CHD7: variants seen among roughly 807,000 people sequenced by gnomAD.
The protein encoded by CHD7 is ATP-dependent chromatin remodeler CHD7.
CHD7 carries 24 observed loss-of-function variants against 307.3 expected under a neutral mutation model. The observed-to-expected ratio is 0.08, with a 90% CI of 0.06 to 0.11. CHD7 has a LOEUF of 0.11. Ranked by LOEUF, CHD7 falls within the 10% of genes least tolerant of loss-of-function variation. The pLI is 1.00. For synonymous variants in CHD7, 1,363 were observed against 1,349.9 expected, an observed-to-expected ratio of 1.01 and a Z score of -0.21; for missense variants, 3,106 against 3,727.1, an observed-to-expected ratio of 0.83 and a Z score of 4.34.
At chr8:60,830,615 A>G in intron 15 of CHD7, 38 bp downstream of exon 15, 1 of 1,600,712 alleles carries the variant, frequency 6.2e-7, no homozygotes, top group Non-Finnish European at 8.5e-7. Context: ...TTAAGTGACG[A>G]TTGAAGCACC....
chr8:60,752,750 T>A (rs933165034), intron 2 of CHD7, among the ~76,000 whole-genome samples: 14 of 152,202 alleles, frequency 9.2e-5, no homozygotes. Context: ...AATTGTGGGA[T>A]TTTTGCAATT....
In CHD7 at chr8:60,855,976, A is replaced by G. The variant is rs1805682626; in HGVS notation, c.6938A>G (p.Asp2313Gly). The G allele has an allele frequency of 6.3e-7, 1 of 1,599,924 alleles. No homozygotes were observed. Among genetic ancestry groups the G allele is most frequent in the Non-Finnish European group, 8.5e-7 (1 of 1,171,706 alleles). The change falls in exon 33 of 38, where the codon GAT becomes GGT. Residue 2313 changes from aspartate to glycine, a missense_variant and splice_region_variant. Transcript: ENST00000423902. ...TTGTGACTTTTCTTCTCCCTCCAGGATAGAGTAATGATAAACCGCTTAGAC... is the reference window on the plus strand; with the variant it reads ...TTGTGACTTTTCTTCTCCCTCCAGGGTAGAGTAATGATAAACCGCTTAGAC... ...RTFAFSFWPKDRVMINRLDNI... is the reference protein window; with the variant it reads ...RTFAFSFWPKGRVMINRLDNI...
intron 1 of CHD7, among the ~76,000 whole-genome samples, chr8:60,690,202 A>AC (rs1806126537): frequency 6.6e-6 from 1 of 152,212 alleles, no homozygotes; most frequent in African/African-American, 2.4e-5. Context: ...GGATTAAAAA[A>AC]AAAAAAATCC....
At chr8:60,859,010 A>G (rs1250966878) in intron 34 of CHD7, among the ~76,000 whole-genome samples, 1 of 152,170 alleles carries the variant, frequency 6.6e-6, no homozygotes, top group Non-Finnish European at 1.5e-5. Context: ...TAAATCTGAG[A>G]CTGATTTTAT....
At position 60,821,781 on chromosome 8, in the gene CHD7, C is replaced by A; in HGVS notation, c.2698-9C>A. On this transcript the variant is annotated splice_polypyrimidine_tract_variant and intron_variant, in intron 9 of 37. Transcript: ENST00000423902. ...GAATCCAATTCTGATTTATTTAAAT[C>A]TGGTCCAGCCTGTGACTCACTATCT... The A allele has an allele frequency of 6.4e-7, 1 of 1,551,186 alleles. No homozygotes were observed.
Position 60,821,544 on chromosome 8 carries a change from GTA to G in CHD7, c.2698-237_2698-236del, listed in dbSNP as rs138906255. Among the ~76,000 whole-genome samples the G allele has an allele frequency of 0.021, 3,116 of 151,110 alleles. 107 individuals carry two copies. Among genetic ancestry groups the G allele is most frequent in the African/African-American group, 0.071 (2,923 of 41,170 alleles). On this transcript the variant is annotated intron_variant, in intron 9 of 37. Coordinates refer to ENST00000423902, the MANE Select transcript of CHD7 (RefSeq NM_017780.4). The stretch of plus-strand genomic sequence containing the variant: ...TAAATATACATGTATATGTATATAT[GTA>G]TATATATAAGCATGTATATACACCT...
At chr8:60,714,816 G>A (rs949735794) in intron 1 of CHD7, among the ~76,000 whole-genome samples, 1 of 152,198 alleles carries the variant, frequency 6.6e-6, no homozygotes, top group Non-Finnish European at 1.5e-5. Flanking sequence ...CAGCCCACTT[G>A]TAATTCTGTG....
intron 1 of CHD7, among the ~76,000 whole-genome samples, chr8:60,696,805 C>T (rs568914081): frequency 2.4e-4 from 37 of 151,256 alleles, no homozygotes; most frequent in African/African-American, 8.7e-4. Flanking sequence ...TAATTTTAAC[C>T]AGCGATATAT....
chr8:60,754,974 C>G (rs996513305), intron 2 of CHD7, among the ~76,000 whole-genome samples: 1 of 152,204 alleles, frequency 6.6e-6, no homozygotes, highest in Non-Finnish European at 1.5e-5. Context: ...CTTGTTGTTA[C>G]TAGCATCTTA....
At chr8:60,837,053 T>C in intron 17 of CHD7, 41 bp downstream of exon 17, 1 of 1,483,928 alleles carries the variant, frequency 6.7e-7, no homozygotes, top group Non-Finnish European at 9.3e-7. Context: ...AAAAAGGAAG[T>C]CATTCTGCTT....
At chr8:60,682,350 C>T (rs1484818045) in intron 1 of CHD7, among the ~76,000 whole-genome samples, 1 of 152,116 alleles carries the variant, frequency 6.6e-6, no homozygotes, top group African/African-American at 2.4e-5. Flanking sequence ...ATGTTACAAC[C>T]GTTTTTCATA....
intron 1 of CHD7, among the ~76,000 whole-genome samples, chr8:60,705,354 T>G (rs1420556550): frequency 6.6e-6 from 1 of 152,230 alleles, no homozygotes; most frequent in Non-Finnish European, 1.5e-5. Context: ...ATGTCTTGCT[T>G]CTTTAACCAA....
At chr8:60,774,777 T>A (rs567860435) in intron 2 of CHD7, among the ~76,000 whole-genome samples, 1 of 152,156 alleles carries the variant, frequency 6.6e-6, no homozygotes, top group Non-Finnish European at 1.5e-5. Flanking sequence ...TCTCAGACAT[T>A]TAGAAAAGGG....
At chr8:60,823,643 G>C (rs1804143241) in intron 12 of CHD7, among the ~76,000 whole-genome samples, 197 bp from the exon 13 acceptor site, 1 of 152,192 alleles carries the variant, frequency 6.6e-6, no homozygotes, top group Non-Finnish European at 1.5e-5. Context: ...TTTACTGACA[G>C]TTTTCTCATT....
intron 2 of CHD7, among the ~76,000 whole-genome samples, chr8:60,779,675 A>G (rs1182634380): frequency 1.3e-5 from 2 of 152,314 alleles, no homozygotes; most frequent in South Asian, 4.1e-4. Context: ...CTTTTCTCGT[A>G]GTAAGCCTTG....
At chr8:60,803,650 A>G (rs960040222) in intron 6 of CHD7, among the ~76,000 whole-genome samples, 2 of 152,246 alleles carry the variant, frequency 1.3e-5, no homozygotes, top group Non-Finnish European at 1.5e-5. Context: ...TGTGGAGCTC[A>G]TGGAATTGCT....
chr8:60,716,665 T>C (rs1807618059), intron 1 of CHD7, among the ~76,000 whole-genome samples: 1 of 152,254 alleles, frequency 6.6e-6, no homozygotes, highest in African/African-American at 2.4e-5. Flanking sequence ...TTCCTTTTAG[T>C]TATTTACTTA....
At chr8:60,735,906 C>T (rs1009815141) in intron 1 of CHD7, among the ~76,000 whole-genome samples, 8 of 152,106 alleles carry the variant, frequency 5.3e-5, no homozygotes, top group African/African-American at 1.4e-4. Flanking sequence ...GTGGCTTGTG[C>T]GACTAAGGAA....
At chr8:60,792,518 C>G (rs1563604613) in intron 3 of CHD7, among the ~76,000 whole-genome samples, 1 of 152,146 alleles carries the variant, frequency 6.6e-6, no homozygotes, top group South Asian at 2.1e-4. Context: ...TTTCCATACT[C>G]AGATCTGGGA....
Sources: gnomAD v4.1 joint callset for allele counts (sites outside exome capture counted in the v4.1 genomes callset) on GRCh38, gnomAD v4.1.1 for gene constraint, MANE v1.5 for transcripts, NCBI Gene and HGNC (gene_info 2026-07-23, HGNC 2026-07-21) for gene names.